The following PROCA1 variants were observed in gnomAD, a reference collection of about 807,000 sequenced individuals.
PROCA1 encodes protein PROCA1.
Under a neutral mutation model 23.2 loss-of-function variants are expected in PROCA1, and 22 were observed. That is an observed-to-expected ratio of 0.95 (90% confidence interval 0.68 to 1.35). The LOEUF (loss-of-function observed/expected upper bound fraction) is 1.35. Ranked by LOEUF, PROCA1 falls within the 40% of genes most tolerant of loss-of-function variation. PROCA1 has a pLI of 0.00. For missense variants in PROCA1, 469 were observed against 459.8 expected (o/e 1.02, Z -0.18); for synonymous variants, 182 against 179.2 (o/e 1.02, Z -0.12).
chr17:28,711,170 A>G (rs2032762371), intron 1 of PROCA1: 2 of 1,170,720 alleles, frequency 1.7e-6, no homozygotes, highest in Admixed American at 3.9e-5. Context: ...CTCAGGGTCG[A>G]TGGAACCGCC....
At chr17:28,707,110 G>C (rs2032550005) in intron 1 of PROCA1, 6 of 275,748 alleles carry the variant, frequency 2.2e-5, no homozygotes, top group South Asian at 1.5e-4. Flanking sequence ...ACTAGAGTTA[G>C]TGATGAATAG....
chr17:28,705,390 T>C (rs2032421942), intron 2 of PROCA1: 1 of 153,712 alleles, frequency 6.5e-6, no homozygotes, highest in Non-Finnish European at 1.4e-5. Context: ...GCCCCTTTTT[T>C]TCTCCTGCCT....
chr17:28,708,731 G>GAAAAAAAAAAAAAAAAAAAAAAAAAA (rs557817689), intron 1 of PROCA1, among the ~76,000 whole-genome samples: 1 of 100,980 alleles, frequency 9.9e-6, no homozygotes, highest in East Asian at 3.4e-4. Context: ...CCAGAAAAAG[G>GAAAAAAAAAAAAAAAAAAAAAAAAAA]AAAAAAAAAA....
chr17:28,711,749 T>C lies in PROCA1; in HGVS notation c.-89A>G. ...CCCGGCCGAGCCCTCGGCCCAGCCGTGAACTCCAGTCTCGGCTTCGCCCCC... is the reference window on the plus strand; with the variant it reads ...CCCGGCCGAGCCCTCGGCCCAGCCGCGAACTCCAGTCTCGGCTTCGCCCCC... On this transcript the variant is annotated 5_prime_UTR_variant, in exon 1 of 5. Transcript: ENST00000682792. 1.7e-6 allele frequency: 2 copies of C among 1,169,568 alleles called. No homozygotes were observed. Among genetic ancestry groups the C allele is most frequent in the Non-Finnish European group, 1.2e-6 (1 of 843,788 alleles). 72.4% of individuals were successfully genotyped at this position (1,169,568 alleles called of 1,614,324 possible). A position where few individuals can be genotyped will look rare whatever the true frequency, so the allele number is the denominator to read the frequency against.
At chr17:28,705,683 C>G (rs2032438492) in intron 2 of PROCA1, 1 of 152,722 alleles carries the variant, frequency 6.5e-6, no homozygotes, top group Admixed American at 6.5e-5. Flanking sequence ...ACAGGAGTTT[C>G]CCCGGTCTAC....
chr17:28,708,716 G>A (rs1196662578), intron 1 of PROCA1, among the ~76,000 whole-genome samples: 6 of 122,442 alleles, frequency 4.9e-5, no homozygotes, highest in South Asian at 3.2e-4. Context: ...GCGAGACCCC[G>A]TTCTCCAGAA....
rs1226598838 is a variant in PROCA1, at chr17:28,704,105, C to T, written c.548G>A (p.Ser183Asn). The T allele has an allele frequency of 6.3e-7, 1 of 1,581,132 alleles. No individual in the cohort carries two copies. The highest frequency in any genetic ancestry group is 8.6e-7 in the Non-Finnish European group (1 of 1,168,500). Residue 183 changes from serine (S) to asparagine (N), a missense_variant, in exon 5 of 5, where the codon AGC becomes AAC. Ser to Asn is a conservative substitution (Grantham distance 46). Coordinates refer to ENST00000682792, the MANE Select transcript of PROCA1 (RefSeq NM_001366301.1). ...CACCTGTGTCGGGATGGGGGGCTTG[C>T]TTTCCTCCTCCTCCTCTTCCTCTTC... ...NEEEEEEEEE[S>N]KPPIPTQVGP...
chr17:28,711,550 C>A lies in PROCA1; in HGVS notation c.91+20G>T. On this transcript the variant is annotated intron_variant, in intron 1 of 4. Coordinates refer to ENST00000682792, the MANE Select transcript of PROCA1 (RefSeq NM_001366301.1). ...AGCCGGGCCGCGCCCTCTGCCCAGC[C>A]CCTGCCCCGCCCCTCTTACCGCGGC... 2 of 1,600,914 alleles carry A rather than the reference C, an allele frequency of 1.2e-6. No individual in the cohort carries two copies. The highest frequency in any genetic ancestry group is 1.1e-5 in the South Asian group (1 of 90,498).
rs2032339372 is a variant in PROCA1 at position 28,704,450 on chromosome 17, ACT to A, written c.312-17_312-16del. The stretch of plus-strand genomic sequence containing the variant: ...AGTCCTTCAGCCTGCCACACATGGG[ACT>A]CTCAGCCTGGCTCCCATCACTCCCC... On this transcript the variant is annotated splice_polypyrimidine_tract_variant and intron_variant, in intron 3 of 4. Transcript: ENST00000682792. 2 of 1,606,116 alleles carry A rather than the reference ACT, an allele frequency of 1.2e-6. No homozygotes were observed. Among genetic ancestry groups the A allele is most frequent in the Non-Finnish European group, 1.7e-6 (2 of 1,175,768 alleles).
In PROCA1 at chr17:28,704,164, G is replaced by T. The variant is rs963657314; in HGVS notation, c.489C>A (p.Leu163=). The T allele has an allele frequency of 6.5e-7, 1 of 1,545,626 alleles. No homozygotes were observed. The highest frequency in any genetic ancestry group is 8.7e-7 in the Non-Finnish European group (1 of 1,151,424). ...GATCATCTGCCCCACACTCATGGTA[G>T]AGTGGATGGTGGATCACTGCCACAG... ...PVSVAVIHHP[L]YHECGADDLN... Residue 163 remains leucine, a synonymous_variant, in exon 5 of 5, where the codon CTC becomes CTA. Transcript: ENST00000682792.
chr17:28,711,014 GAAGAA>G, intron 1 of PROCA1: 1 of 697,726 alleles, frequency 1.4e-6, no homozygotes, highest in Non-Finnish European at 2.1e-6. Context: ...GGAAGGGAGG[GAAGAA>G]ACTAGGAGAG....
rs2032371321 is a variant in PROCA1 at position 28,704,736 on chromosome 17, AGT to A, written c.281_282del (p.His94LeufsTer8). On this transcript the variant is annotated frameshift_variant, in exon 3 of 5. Coordinates refer to ENST00000682792, the MANE Select transcript of PROCA1 (RefSeq NM_001366301.1). LOFTEE classifies it high-confidence loss of function. ...SDCVRHSLHLHSVNHCNCNSR... is the reference protein window; with the variant it reads ...SDCVRHSLHLXSVNHCNCNSR... ...GAATTACAGTTGCAGTGGTTGACAG[AGT>A]GTAGGTGCAGGCTGTGGCGGACACA... 1 of 1,613,998 alleles carries A rather than the reference AGT, an allele frequency of 6.2e-7. No individual in the cohort carries two copies. Among genetic ancestry groups the A allele is most frequent in the African/African-American group, 1.3e-5 (1 of 74,938 alleles).
At chr17:28,711,001 G>GCGGGAAGGGAGGGAAGGAGTAGGA in intron 1 of PROCA1, 1 of 1,232,348 alleles carries the variant, frequency 8.1e-7, no homozygotes, top group South Asian at 1.3e-5. Flanking sequence ...AAGGAGTAGG[G>GCGGGAAGGGAGGGAAGGAGTAGGA]CGGGAAGGGA....
chr17:28,706,691 G>A lies in PROCA1; in HGVS notation c.164C>T (p.Thr55Ile), dbSNP rs2032488911. Reference protein sequence around the residue: ...AGVASSTDVSTFSEGDCKEPD... With the variant: ...AGVASSTDVSIFSEGDCKEPD... ...TCTCCTGGACCCACCTTCAGAGAAG[G>A]TAGACACATCAGTGCTGGACGCCAC... The change falls in exon 2 of 5, where the codon ACC (threonine) becomes ATC (isoleucine). Residue 55 changes from threonine to isoleucine, a missense_variant. Coordinates refer to ENST00000682792, the MANE Select transcript of PROCA1 (RefSeq NM_001366301.1). The A allele has an allele frequency of 3.8e-6, 5 of 1,303,684 alleles. No individual in the cohort carries two copies. Among genetic ancestry groups the A allele is most frequent in the Middle Eastern group, 4.3e-4 (2 of 4,692 alleles). 80.8% of individuals were successfully genotyped at this position (1,303,684 alleles called of 1,614,324 possible).
In PROCA1 at chr17:28,711,682, T is replaced by C. The variant is rs201075791; in HGVS notation, c.-22A>G. ...ACATCGCTCTCCGCCCAGGTCTTCG[T>C]CTCTACAGGACTCTTGCGTGAAGTC... On this transcript the variant is annotated 5_prime_UTR_variant, in exon 1 of 5. Coordinates refer to ENST00000682792, the MANE Select transcript of PROCA1 (RefSeq NM_001366301.1). 1.7e-5 allele frequency: 28 copies of C among 1,606,970 alleles called. No individual in the cohort carries two copies. Among genetic ancestry groups the C allele is most frequent in the Non-Finnish European group, 1.3e-5 (15 of 1,175,766 alleles).
At chr17:28,704,256 G>C (rs754752043) in intron 4 of PROCA1, 44 bp from the exon 5 acceptor site, 32 of 1,577,814 alleles carry the variant, frequency 2.0e-5, no homozygotes, top group Non-Finnish European at 2.8e-5. Flanking sequence ...AGAGTGGGGG[G>C]CAGTGCCCTG....
In PROCA1 at chr17:28,703,456, C is replaced by T; in HGVS notation, c.*102G>A. ...GAAACCCCTGCAGCCCTGAGCCCAC[C>T]CCTTGCCCCGCAAGAAACAGCCAGG... is the stretch of plus-strand genomic sequence containing the variant. On this transcript the variant is annotated 3_prime_UTR_variant, in exon 5 of 5. Coordinates refer to ENST00000682792, the MANE Select transcript of PROCA1 (RefSeq NM_001366301.1). 1 of 1,277,028 alleles carries T rather than the reference C, an allele frequency of 7.8e-7. No homozygotes were observed. Among genetic ancestry groups the T allele is most frequent in the Non-Finnish European group, 1.1e-6 (1 of 918,828 alleles). The allele number at this position is 1,277,028 out of a possible 1,614,324, so 79.1% of individuals were successfully genotyped here. A position where few individuals can be genotyped will look rare whatever the true frequency, so the allele number is the denominator to read the frequency against.
chr17:28,705,425 TC>T lies in PROCA1; in HGVS notation c.176-583del, dbSNP rs1567714765. 12 of 153,022 alleles carry T rather than the reference TC, an allele frequency of 7.8e-5. No individual in the cohort carries two copies. In the South Asian group the frequency reaches 2.4e-3, roughly 31 times the overall value. 9.5% of individuals were successfully genotyped at this position (153,022 alleles called of 1,614,324 possible). A position where few individuals can be genotyped will look rare whatever the true frequency, so the allele number is the denominator to read the frequency against. On this transcript the variant is annotated intron_variant, in intron 2 of 4. Transcript: ENST00000682792. ...TGACACCTTTCTCACTCCCCTCCCT[TC>T]CCATGCCCCCTTCTTGATCCTTTCC...
intron 2 of PROCA1, 199 bp downstream of exon 2, chr17:28,706,481 T>A: frequency 3.2e-6 from 1 of 311,906 alleles, no homozygotes; most frequent in South Asian, 2.6e-5. Flanking sequence ...GCCATAAAGT[T>A]CTATATAAAC....
Sources: gnomAD v4.1 joint callset for allele counts (sites outside exome capture counted in the v4.1 genomes callset) on GRCh38, gnomAD v4.1.1 for gene constraint, MANE v1.5 for transcripts, NCBI Gene and HGNC (gene_info 2026-07-23, HGNC 2026-07-21) for gene names.